Variants in ZSCAN5A observed in about 807,000 individuals in gnomAD.
ZSCAN5A encodes zinc finger and SCAN domain-containing protein 5A.
Under a neutral mutation model 23.7 loss-of-function variants are expected in ZSCAN5A, and 12 were observed. The ratio of observed to expected loss-of-function variants is 0.51; its 90% CI spans 0.32 to 0.82. The LOEUF (loss-of-function observed/expected upper bound fraction) is 0.82. Among genes scored for constraint, ZSCAN5A ranks in the 40% least tolerant of loss-of-function variants. The pLI, the probability that ZSCAN5A is intolerant of heterozygous loss-of-function variation, is 0.03. For missense variants in ZSCAN5A, 597 were observed against 617.9 expected, an observed-to-expected ratio of 0.97 and a Z score of 0.36; for synonymous variants, 257 against 239.9, an observed-to-expected ratio of 1.07 and a Z score of -0.66.
At chr19:56,251,267 A>T (rs756529371) in intron 2 of ZSCAN5A, among the ~76,000 whole-genome samples, 7 of 151,698 alleles carry the variant, frequency 4.6e-5, no homozygotes, top group African/African-American at 9.7e-5. Context: ...TTTCTCCATG[A>T]TGTTTAATTT....
At position 56,282,351 on chromosome 19, in the gene ZSCAN5A, C is replaced by A. The variant is rs930686648; in HGVS notation, c.-128+30932G>T. ...GCAGCTCCCCATTCTGGTTCCCTAACCTATCTCAGGACCTATGGGGTGCAA... is the reference window on the plus strand; with the variant it reads ...GCAGCTCCCCATTCTGGTTCCCTAAACTATCTCAGGACCTATGGGGTGCAA... On this transcript the variant is annotated intron_variant, in intron 2 of 5. Transcript: ENST00000683990. 1.0e-5 allele frequency: 3 copies of A among 299,486 alleles called. No homozygotes were observed. In the South Asian group the frequency reaches 3.9e-4, roughly 39 times the overall value. The allele number at this position is 299,486 out of a possible 1,614,324, so 18.6% of individuals were successfully genotyped here. A position where few individuals can be genotyped will look rare whatever the true frequency, so the allele number is the denominator to read the frequency against.
chr19:56,302,473 CTTCTTCCT>C (rs2040325007), intron 2 of ZSCAN5A, among the ~76,000 whole-genome samples: 1 of 146,058 alleles, frequency 6.8e-6, no homozygotes, highest in African/African-American at 2.6e-5. Context: ...TCCTCCCTCC[CTTCTTCCT>C]TCCCATCCTT....
At chr19:56,335,896 A>C (rs2041530910) in intron 2 of ZSCAN5A, among the ~76,000 whole-genome samples, 1 of 152,144 alleles carries the variant, frequency 6.6e-6, no homozygotes, top group African/African-American at 2.4e-5. Context: ...TTTCTTTAAG[A>C]ATGTTGAATA....
chr19:56,302,347 TTCC>T (rs1206027150), intron 2 of ZSCAN5A, among the ~76,000 whole-genome samples: 14 of 140,374 alleles, frequency 1.0e-4, no homozygotes, highest in Admixed American at 4.3e-4. Flanking sequence ...CCCTTTCCTC[TTCC>T]TTTTTTCTTC....
At chr19:56,347,427 T>C (rs907514592) in intron 2 of ZSCAN5A, 1 of 152,114 alleles carries the variant, frequency 6.6e-6, no homozygotes, top group African/African-American at 2.4e-5. Flanking sequence ...CAGTATCTTA[T>C]CAGTTAATTG....
chr19:56,251,849 C>G (rs1038152502), intron 2 of ZSCAN5A, among the ~76,000 whole-genome samples: 6 of 152,172 alleles, frequency 3.9e-5, no homozygotes, highest in Admixed American at 1.3e-4. Flanking sequence ...AGATGTGAAC[C>G]AGCACACCTG....
chr19:56,358,601 C>G (rs1244274968), intron 2 of ZSCAN5A, among the ~76,000 whole-genome samples: 1 of 152,190 alleles, frequency 6.6e-6, no homozygotes, highest in Non-Finnish European at 1.5e-5. Flanking sequence ...ACATAAGTCT[C>G]CACCCAAAAC....
rs116838157 is a variant in ZSCAN5A, at chr19:56,310,625, T to C, written c.-128+2658A>G. On this transcript the variant is annotated intron_variant, in intron 2 of 5. Transcript: ENST00000683990. ...TCACACTAAGCTACACAGCTGAGAT[T>C]TGACCCAGTTGGACTCATTCCAAAG... is the stretch of plus-strand genomic sequence containing the variant. Among the ~76,000 whole-genome samples the C allele has an allele frequency of 7.9e-3, 1,206 of 152,346 alleles. 27 individuals carry two copies. Among genetic ancestry groups the C allele is most frequent in the African/African-American group, 0.028 (1,149 of 41,592 alleles).
intron 2 of ZSCAN5A, among the ~76,000 whole-genome samples, chr19:56,345,370 G>C (rs1366005799): frequency 6.6e-6 from 1 of 152,058 alleles, no homozygotes; most frequent in South Asian, 2.1e-4. Flanking sequence ...TTAGACATGC[G>C]GAAAGAAGTA....
chr19:56,328,994 C>CAAAAAAAAA (rs61646242), intron 2 of ZSCAN5A, among the ~76,000 whole-genome samples: 1 of 106,380 alleles, frequency 9.4e-6, no homozygotes, highest in African/African-American at 3.0e-5. Flanking sequence ...GACTCCGTCT[C>CAAAAAAAAA]AAAAAAAAAA....
intron 2 of ZSCAN5A, among the ~76,000 whole-genome samples, chr19:56,248,691 C>T (rs1260977659): frequency 1.3e-5 from 2 of 152,062 alleles, no homozygotes; most frequent in African/African-American, 4.8e-5. Flanking sequence ...CCTTGGCCTC[C>T]AGAAGTGCTC....
intron 2 of ZSCAN5A, among the ~76,000 whole-genome samples, chr19:56,254,647 A>AT (rs201284282): frequency 8.2e-5 from 11 of 134,178 alleles, no homozygotes; most frequent in East Asian, 4.3e-4. Flanking sequence ...TCTATGTTTA[A>AT]TTTTTGGGGG....
chr19:56,242,641 A>C (rs545119794), intron 2 of ZSCAN5A, among the ~76,000 whole-genome samples: 16 of 152,012 alleles, frequency 1.1e-4, no homozygotes, highest in African/African-American at 3.9e-4. Context: ...TGCTTCCCCC[A>C]CCTGTGGCTA....
chr19:56,330,905 C>T (rs553481038), intron 2 of ZSCAN5A, among the ~76,000 whole-genome samples: 48 of 152,220 alleles, frequency 3.2e-4, no homozygotes, highest in African/African-American at 1.1e-3. Context: ...AATGGTGTTT[C>T]CTAGGTTTTC....
intron 2 of ZSCAN5A, among the ~76,000 whole-genome samples, chr19:56,345,161 A>G (rs1181542826): frequency 6.6e-6 from 1 of 152,118 alleles, no homozygotes. Context: ...CATTTCTAAT[A>G]TTACTTTAAT....
At chr19:56,291,391 T>C (rs1338581707) in intron 2 of ZSCAN5A, among the ~76,000 whole-genome samples, 1 of 152,136 alleles carries the variant, frequency 6.6e-6, no homozygotes, top group East Asian at 1.9e-4. Flanking sequence ...AGGAGTAAAG[T>C]CTCAAAGAAG....
At chr19:56,282,005 A>C (rs1396985684) in intron 2 of ZSCAN5A, among the ~76,000 whole-genome samples, 6 of 152,204 alleles carry the variant, frequency 3.9e-5, no homozygotes, top group Non-Finnish European at 7.3e-5. Context: ...TCAGATTTTC[A>C]GTAGGATCAA....
chr19:56,252,332 G>A (rs539395106), intron 2 of ZSCAN5A, among the ~76,000 whole-genome samples: 36 of 152,158 alleles, frequency 2.4e-4, no homozygotes, highest in Non-Finnish European at 4.6e-4. Context: ...GGTTGGGGCC[G>A]CCCAGGAGAA....
At chr19:56,242,489 T>C (rs2035507369) in intron 2 of ZSCAN5A, among the ~76,000 whole-genome samples, 1 of 152,324 alleles carries the variant, frequency 6.6e-6, no homozygotes, top group African/African-American at 2.4e-5. Context: ...CCCCCTCTGC[T>C]GATTGTCTCC....
Sources: allele counts gnomAD v4.1 joint callset (sites outside exome capture counted in the v4.1 genomes callset), GRCh38; gene constraint gnomAD v4.1.1; transcripts MANE v1.5; gene names NCBI Gene and HGNC (gene_info 2026-07-23, HGNC 2026-07-21).